The following LCT variants were observed in gnomAD, a reference collection of about 807,000 sequenced individuals.
LCT encodes lactase.
A neutral mutation model predicts 173.0 loss-of-function variants in LCT; 90 were observed. The observed-to-expected ratio is 0.52, with a 90% CI of 0.44 to 0.62. The LOEUF (loss-of-function observed/expected upper bound fraction) is 0.62. Ranked by LOEUF, LCT falls within the 20% of genes least tolerant of loss-of-function variation. The pLI, the probability that LCT is intolerant of heterozygous loss-of-function variation, is 0.00. For missense variants in LCT, 1,864 were observed against 2,431.4 expected, an observed-to-expected ratio of 0.77 and a Z score of 4.91; for synonymous variants, 853 against 957.6, an observed-to-expected ratio of 0.89 and a Z score of 2.02.
At chr2:135,814,270 G>A (rs915560169) in intron 6 of LCT, among the ~76,000 whole-genome samples, 6 of 152,104 alleles carry the variant, frequency 3.9e-5, no homozygotes, top group Non-Finnish European at 5.9e-5. Flanking sequence ...TTCTAAACTC[G>A]AATGGCAAAC....
At chr2:135,822,674 C>T (rs2077844670) in intron 4 of LCT, 1 of 159,700 alleles carries the variant, frequency 6.3e-6, no homozygotes, top group Non-Finnish European at 1.4e-5. Flanking sequence ...TTCAGGGGCC[C>T]TGTGGAGCCA....
chr2:135,837,008 A>G lies in LCT; in HGVS notation c.162T>C (p.Phe54=). 1 of 1,614,168 alleles carries G rather than the reference A, an allele frequency of 6.2e-7. No individual in the cohort carries two copies. The highest frequency in any genetic ancestry group is 1.3e-5 in the African/African-American group (1 of 75,036). The change falls in exon 1 of 17, where the codon TTT becomes TTC. Residue 54 remains phenylalanine, a synonymous_variant. Transcript: ENST00000264162. ...SGLLGDQSSN[F]VAGDKDMYVC... Reference sequence around the variant, plus strand: ...CATACATGTCTTTGTCCCCTGCTACAAAGTTAGAACTCTGGTCTCCCAGGA... The same window carrying G: ...CATACATGTCTTTGTCCCCTGCTACGAAGTTAGAACTCTGGTCTCCCAGGA...
chr2:135,817,746 G>T lies in LCT; in HGVS notation c.1302C>A (p.His434Gln). 2 of 1,614,042 alleles carry T rather than the reference G, an allele frequency of 1.2e-6. No individual in the cohort carries two copies. Residue 434 changes from histidine to glutamine, a missense_variant, in exon 6 of 17, where the codon CAC (histidine) becomes CAA (glutamine). Physicochemically the swap from His to Gln is conservative, Grantham distance 24. Around this residue, in one of 4 missense-constraint regions of LCT, gnomAD observed 183 missense variants for 293.1 expected, o/e 0.62. Transcript: ENST00000264162. Reference protein sequence around the residue: ...ATLEVASDSYHKVASDVALLC... With the variant: ...ATLEVASDSYQKVASDVALLC... ...GCAGGGCGACGTCAGAGGCTACCTTGTGGTAACTGTCGCTGGCCACCTCCA... is the reference window on the plus strand; with the variant it reads ...GCAGGGCGACGTCAGAGGCTACCTTTTGGTAACTGTCGCTGGCCACCTCCA...
intron 6 of LCT, among the ~76,000 whole-genome samples, chr2:135,813,161 G>T (rs1374850313): frequency 6.6e-6 from 1 of 152,024 alleles, no homozygotes; most frequent in East Asian, 1.9e-4. Context: ...TAACATCAAT[G>T]ATGTTAACAA....
intron 4 of LCT, among the ~76,000 whole-genome samples, chr2:135,823,565 G>A (rs2077855438): frequency 6.6e-6 from 1 of 152,230 alleles, no homozygotes; most frequent in African/African-American, 2.4e-5. Flanking sequence ...GCCCTGCCAA[G>A]AGGAGCAGAG....
At chr2:135,804,179 GC>G (rs774534698) in intron 10 of LCT, 51 bp from the exon 11 acceptor site, 7 of 1,460,470 alleles carry the variant, frequency 4.8e-6, no homozygotes. Flanking sequence ...TCCATGGGAA[GC>G]CCTAGGTTAG....
At position 135,836,887 on chromosome 2, in the gene LCT, G is replaced by C; in HGVS notation, c.283C>G (p.Gln95Glu). ...THYKVFLSWA[Q>E]LLPAGSTQNP... The stretch of plus-strand genomic sequence containing the variant: ...TGGGTGCTTCCTGCTGGGAGGAGCT[G>C]TGCCCATGACAGAAATACCTTATAA... The change falls in exon 1 of 17, where the codon CAG (glutamine) becomes GAG (glutamate). Residue 95 changes from glutamine to glutamate, a missense_variant. By Grantham distance (29) the Gln-to-Glu change is conservative. Around this residue, in one of 4 missense-constraint regions of LCT, gnomAD observed 412 missense variants for 462.0 expected, o/e 0.89. Transcript: ENST00000264162. The C allele has an allele frequency of 1.2e-6, 2 of 1,614,198 alleles. No individual in the cohort carries two copies. The highest frequency in any genetic ancestry group is 1.7e-6 in the Non-Finnish European group (2 of 1,180,032).
chr2:135,801,478 G>T (rs1444970257), intron 11 of LCT, among the ~76,000 whole-genome samples: 1 of 152,028 alleles, frequency 6.6e-6, no homozygotes, highest in Admixed American at 6.5e-5. Context: ...ACTTTGGGAG[G>T]CTGAGGCAGG....
intron 12 of LCT, among the ~76,000 whole-genome samples, chr2:135,800,276 C>G (rs1376044248): frequency 6.6e-6 from 1 of 152,132 alleles, no homozygotes; most frequent in Non-Finnish European, 1.5e-5. Flanking sequence ...CCTCTGTCAC[C>G]TGGAGTTTAA....
chr2:135,831,691 T>C (rs2105556479), intron 2 of LCT, among the ~76,000 whole-genome samples: 1 of 152,294 alleles, frequency 6.6e-6, no homozygotes, highest in Non-Finnish European at 1.5e-5. Flanking sequence ...CAGAACCTTA[T>C]CAGTCTTGGT....
chr2:135,819,478 T>C lies in LCT; in HGVS notation c.987-1417A>G, dbSNP rs564301796. Among the ~76,000 whole-genome samples the C allele has an allele frequency of 1.6e-4, 24 of 152,200 alleles. No homozygotes were observed. In the South Asian group the frequency reaches 5.0e-3, roughly 32 times the overall value. ...AGAGCATCTCCCTGTCACACAGCCA[T>C]CGTGTGGAGAGCCGATGGCACCTAT... On this transcript the variant is annotated intron_variant, in intron 5 of 16. Transcript: ENST00000264162.
intron 9 of LCT, among the ~76,000 whole-genome samples, chr2:135,806,562 C>T (rs546319303): frequency 6.6e-6 from 1 of 152,130 alleles, no homozygotes; most frequent in Non-Finnish European, 1.5e-5. Flanking sequence ...AGTACCCTGT[C>T]CAGCTTTTAT....
At chr2:135,825,850 T>C (rs2077885140) in intron 3 of LCT, among the ~76,000 whole-genome samples, 1 of 152,116 alleles carries the variant, frequency 6.6e-6, no homozygotes, top group Non-Finnish European at 1.5e-5. Context: ...AAGAGGCCCC[T>C]TCAAGGGGAG....
intron 14 of LCT, among the ~76,000 whole-genome samples, chr2:135,794,119 C>G (rs2077556906): frequency 6.7e-6 from 1 of 148,804 alleles, no homozygotes; most frequent in Admixed American, 6.8e-5. Flanking sequence ...AGCCTGGTGA[C>G]AGAGCGAGAC....
At position 135,798,043 on chromosome 2, in the gene LCT, G is replaced by T. The variant is rs964383198; in HGVS notation, c.4962C>A (p.Gly1654=). ...CAGGCCCTTACCGAGACTTGTTGAG[G>T]CCTGCAGCCAAGCTCCTGTCACGGA... ...TRIRDRSLAA[G]LNKSRLPEFT... The change falls in exon 13 of 17, where the codon GGC becomes GGA. Residue 1654 remains glycine, a synonymous_variant. Transcript: ENST00000264162. 3 of 1,605,156 alleles carry T rather than the reference G, an allele frequency of 1.9e-6. No individual in the cohort carries two copies. The highest frequency in any genetic ancestry group is 1.7e-6 in the Non-Finnish European group (2 of 1,171,838).
At chr2:135,823,748 G>T (rs536347952) in intron 4 of LCT, among the ~76,000 whole-genome samples, 153 bp downstream of exon 4, 13 of 152,170 alleles carry the variant, frequency 8.5e-5, no homozygotes, top group Admixed American at 8.5e-4. Context: ...CAGTAGGAAG[G>T]CATAGTACAC....
At position 135,818,031 on chromosome 2, in the gene LCT, G is replaced by A. The variant is rs1377568192; in HGVS notation, c.1017C>T (p.Ala339=). ...SMSCSLTGSL[A]LQPDQQQDHE... ...GGTCCTGCTGCTGGTCAGGCTGAAG[G>A]GCCAGGCTGCCAGTCAGAGAACAAG... is the stretch of plus-strand genomic sequence containing the variant. The change falls in exon 6 of 17, where the codon GCC becomes GCT. Residue 339 remains alanine, a synonymous_variant. Transcript: ENST00000264162. 1 of 1,613,392 alleles carries A rather than the reference G, an allele frequency of 6.2e-7. No homozygotes were observed. The highest frequency in any genetic ancestry group is 1.7e-5 in the Admixed American group (1 of 60,032).
chr2:135,820,913 C>T (rs1378895789), intron 5 of LCT, among the ~76,000 whole-genome samples: 5 of 151,636 alleles, frequency 3.3e-5, no homozygotes, highest in South Asian at 2.1e-4. Flanking sequence ...TGGAGTCTCG[C>T]TCCATCACCC....
intron 7 of LCT, among the ~76,000 whole-genome samples, chr2:135,811,815 T>G (rs2077736695): frequency 6.6e-6 from 1 of 151,622 alleles, no homozygotes; most frequent in African/African-American, 2.4e-5. Flanking sequence ...GCATGGTGGC[T>G]CATGCCTGTA....
Sources: gnomAD v4.1 joint callset for allele counts (sites outside exome capture counted in the v4.1 genomes callset) on GRCh38, gnomAD v4.1.1 for gene constraint, gnomAD v4.1.1 regional missense constraint, MANE v1.5 for transcripts, NCBI Gene and HGNC (gene_info 2026-07-23, HGNC 2026-07-21) for gene names.